The following ETV5 variants were observed in gnomAD, a reference collection of about 807,000 sequenced individuals.
ETV5 encodes ETS variant transcription factor 5.
Under a neutral mutation model 70.0 loss-of-function variants are expected in ETV5, and 10 were observed. The ratio of observed to expected loss-of-function variants is 0.14; its 90% CI spans 0.09 to 0.24. The LOEUF (loss-of-function observed/expected upper bound fraction) is 0.24, where lower values mean the gene tolerates loss of function less well. Among genes scored for constraint, ETV5 ranks in the 10% least tolerant of loss-of-function variants. The probability of loss-of-function intolerance (pLI) is 1.00; values close to 1 mark genes in which losing one functional copy is unlikely to be tolerated. For synonymous variants in ETV5, 216 were observed against 242.2 expected (o/e 0.89, Z 1.01); for missense variants, 453 against 651.2 (o/e 0.70, Z 3.31).
At chr3:186,062,456 A>C (rs1713327781) in intron 9 of ETV5, among the ~76,000 whole-genome samples, 1 of 152,178 alleles carries the variant, frequency 6.6e-6, no homozygotes, top group South Asian at 2.1e-4. Context: ...CCCCGTCTCT[A>C]CTAAAAATAC....
intron 5 of ETV5, among the ~76,000 whole-genome samples, chr3:186,085,743 C>T (rs112545201): frequency 0.14 from 21,208 of 152,092 alleles, 1,653 homozygotes; most frequent in African/African-American, 0.19. Context: ...CTCCTGACCT[C>T]AGGTGATCCG....
chr3:186,053,252 T>C (rs1430375567), intron 11 of ETV5, among the ~76,000 whole-genome samples: 3 of 152,014 alleles, frequency 2.0e-5, no homozygotes, highest in East Asian at 1.9e-4. Context: ...CAGGTGTCCA[T>C]TGTCATGCCC....
intron 5 of ETV5, among the ~76,000 whole-genome samples, chr3:186,085,915 A>C (rs1714047234): frequency 6.6e-6 from 1 of 152,182 alleles, no homozygotes; most frequent in African/African-American, 2.4e-5. Flanking sequence ...TCATTCAGAC[A>C]GCTACCAGCA....
chr3:186,078,693 GC>G (rs1713856650), intron 7 of ETV5, among the ~76,000 whole-genome samples: 1 of 152,026 alleles, frequency 6.6e-6, no homozygotes, highest in South Asian at 2.1e-4. Flanking sequence ...TCCAGAGCCA[GC>G]CCCCCACAAC....
At chr3:186,091,249 C>T (rs1714176427) in intron 5 of ETV5, among the ~76,000 whole-genome samples, 1 of 152,160 alleles carries the variant, frequency 6.6e-6, no homozygotes, top group Non-Finnish European at 1.5e-5. Context: ...AAAGAAGCTT[C>T]AGAACTGGCA....
At chr3:186,088,509 C>T (rs956162909) in intron 5 of ETV5, among the ~76,000 whole-genome samples, 3 of 152,196 alleles carry the variant, frequency 2.0e-5, no homozygotes, top group African/African-American at 7.2e-5. Context: ...CTTCCTTTCC[C>T]TCTAGAGGAA....
At position 186,052,607 on chromosome 3, in the gene ETV5, G is replaced by C. The variant is rs943985370; in HGVS notation, c.1210-476C>G. Among the ~76,000 whole-genome samples, 6 of 152,180 alleles carry C rather than the reference G, an allele frequency of 3.9e-5. No homozygotes were observed. Among genetic ancestry groups the C allele is most frequent in the Admixed American group, 1.3e-4 (2 of 15,272 alleles). Reference sequence around the variant, plus strand: ...TCTAATAAGATTGGAGGGGGGCTGGGAGATGTTTACTTATTGCAGCTCATG... The same window carrying C: ...TCTAATAAGATTGGAGGGGGGCTGGCAGATGTTTACTTATTGCAGCTCATG... On this transcript the variant is annotated intron_variant, in intron 11 of 12. Coordinates refer to ENST00000306376, the MANE Select transcript of ETV5 (RefSeq NM_004454.3). The surrounding 1 kb of genome is among the most constrained non-coding windows in gnomAD (Gnocchi z 4.5).
intron 7 of ETV5, among the ~76,000 whole-genome samples, chr3:186,068,855 T>G (rs1202246198): frequency 6.6e-6 from 1 of 152,228 alleles, no homozygotes; most frequent in African/African-American, 2.4e-5. Context: ...CTAATCTATG[T>G]GTATAAAGAA....
intron 5 of ETV5, among the ~76,000 whole-genome samples, chr3:186,088,187 C>T (rs1214539624): frequency 6.6e-6 from 1 of 152,162 alleles, no homozygotes; most frequent in African/African-American, 2.4e-5. Flanking sequence ...CAGGCCTGAC[C>T]TCCAGGTCAC....
At chr3:186,093,189 G>C (rs1018828291) in intron 5 of ETV5, among the ~76,000 whole-genome samples, 6 of 152,122 alleles carry the variant, frequency 3.9e-5, no homozygotes, top group African/African-American at 1.4e-4. Flanking sequence ...TCTGGCTAGG[G>C]GTAAAAGCAG....
At chr3:186,058,026 C>A (rs551312709) in intron 9 of ETV5, among the ~76,000 whole-genome samples, 2 of 152,158 alleles carry the variant, frequency 1.3e-5, no homozygotes, top group African/African-American at 4.8e-5. Context: ...TAGAGGATTT[C>A]GAAAGCAGTA....
At position 186,057,147 on chromosome 3, in the gene ETV5, A is replaced by G; in HGVS notation, c.1137T>C (p.Asp379=). The change falls in exon 11 of 13, where the codon GAT becomes GAC. Residue 379 remains aspartate, a synonymous_variant. Transcript: ENST00000306376. This position sits in a 1 kb window ranked among gnomAD's most constrained non-coding sequence, Gnocchi z 4.9. ...QLWQFLVTLL[D]DPANAHFIAW... is the part of the protein sequence containing the mutation. ...CAATGAAGTGGGCATTGGCTGGGTC[A>G]TCAAGAAGGGTGACCAGGAACTGCC... 1 of 1,614,202 alleles carries G rather than the reference A, an allele frequency of 6.2e-7. No individual in the cohort carries two copies. The highest frequency in any genetic ancestry group is 8.5e-7 in the Non-Finnish European group (1 of 1,180,026).
In ETV5 at chr3:186,046,365, A is replaced by G; in HGVS notation, c.*2274T>C. 4.5e-6 allele frequency: 1 copy of G among 224,040 alleles called. No individual in the cohort carries two copies. Among genetic ancestry groups the G allele is most frequent in the Non-Finnish European group, 8.9e-6 (1 of 112,052 alleles). The allele number at this position is 224,040 out of a possible 1,614,324, so 13.9% of individuals were successfully genotyped here. A position where few individuals can be genotyped will look rare whatever the true frequency, so the allele number is the denominator to read the frequency against. The stretch of plus-strand genomic sequence containing the variant: ...TTTATTGTACACAGTACAGAATATA[A>G]CGCAGCTTGGCAGGATGCATACGGC... On this transcript the variant is annotated 3_prime_UTR_variant, in exon 13 of 13. Coordinates refer to ENST00000306376, the MANE Select transcript of ETV5 (RefSeq NM_004454.3).
intron 9 of ETV5, among the ~76,000 whole-genome samples, chr3:186,061,043 G>T (rs1021791277): frequency 8.5e-5 from 13 of 152,116 alleles, no homozygotes; most frequent in African/African-American, 2.9e-4. Context: ...ACATCACAGG[G>T]TACCCAGTGA....
chr3:186,099,506 G>A (rs1404755186), intron 5 of ETV5, among the ~76,000 whole-genome samples: 7 of 152,218 alleles, frequency 4.6e-5, no homozygotes, highest in African/African-American at 9.6e-5. Flanking sequence ...AAGGGCAGCC[G>A]TATGCCCGAG....
rs372945070 is a variant in ETV5, at chr3:186,046,672, AAG to A, written c.*1965_*1966del. On this transcript the variant is annotated 3_prime_UTR_variant, in exon 13 of 13. Coordinates refer to ENST00000306376, the MANE Select transcript of ETV5 (RefSeq NM_004454.3). ...GCTAAGACAGCATAAATCCATTCAA[AAG>A]AAAAAAAAAAAAAATCCAAACCAGG... is the stretch of plus-strand genomic sequence containing the variant. 0.097 allele frequency: 18,689 copies of A among 192,972 alleles called. 642 individuals are homozygous for A. Among genetic ancestry groups the A allele is most frequent in the African/African-American group, 0.18 (7,025 of 39,214 alleles). 12.0% of individuals were successfully genotyped at this position (192,972 alleles called of 1,614,324 possible). A position where few individuals can be genotyped will look rare whatever the true frequency, so the allele number is the denominator to read the frequency against.
chr3:186,086,881 G>A (rs143427416), intron 5 of ETV5, among the ~76,000 whole-genome samples: 35 of 152,144 alleles, frequency 2.3e-4, no homozygotes, highest in African/African-American at 7.7e-4. Context: ...TGAGGTGGGC[G>A]GGTCACTTGA....
intron 7 of ETV5, among the ~76,000 whole-genome samples, chr3:186,067,568 C>T (rs1016721023): frequency 3.3e-5 from 5 of 151,484 alleles, no homozygotes; most frequent in African/African-American, 4.9e-5. Context: ...GCCGAGATTG[C>T]GCCACTGTAC....
chr3:186,097,821 A>G (rs985827606), intron 5 of ETV5, among the ~76,000 whole-genome samples: 1 of 152,248 alleles, frequency 6.6e-6, no homozygotes, highest in Admixed American at 6.5e-5. Context: ...AATCACAAGC[A>G]TATTTCTAAC....
Sources: gnomAD v4.1 joint callset for allele counts (sites outside exome capture counted in the v4.1 genomes callset) on GRCh38, gnomAD v4.1.1 for gene constraint, Gnocchi (gnomAD v3.1) non-coding constraint, MANE v1.5 for transcripts, NCBI Gene and HGNC (gene_info 2026-07-23, HGNC 2026-07-21) for gene names.